The following BMPR2 variants were observed in gnomAD, a reference collection of about 807,000 sequenced individuals.
BMPR2 encodes bone morphogenetic protein receptor type-2.
A neutral mutation model predicts 100.8 loss-of-function variants in BMPR2; 29 were observed. The ratio of observed to expected loss-of-function variants is 0.29; its 90% confidence interval spans 0.21 to 0.39. The LOEUF (loss-of-function observed/expected upper bound fraction) is 0.39, where lower values mean the gene tolerates loss of function less well. Among genes scored for constraint, BMPR2 ranks in the 10% least tolerant of loss-of-function variants. The pLI is 1.00. For missense variants in BMPR2, 1,011 were observed against 1,274.5 expected (o/e 0.79, Z 3.15); for synonymous variants, 382 against 442.3 (o/e 0.86, Z 1.71).
In BMPR2 at chr2:202,560,099, C is replaced by T; in HGVS notation, c.*153C>T. On this transcript the variant is annotated 3_prime_UTR_variant, in exon 13 of 13. Transcript: ENST00000374580. ...TTGCTTTAAATAGATTTCAGCTATG[C>T]AGAAAAATTTAGCTTATGCTTCCAT... 1 of 1,011,168 alleles carries T rather than the reference C, an allele frequency of 9.9e-7. No individual in the cohort carries two copies. Among genetic ancestry groups the T allele is most frequent in the Non-Finnish European group, 1.4e-6 (1 of 708,190 alleles). The allele number at this position is 1,011,168 out of a possible 1,614,324, so 62.6% of individuals were successfully genotyped here.
chr2:202,488,980 AAG>A (rs1177744503), intron 3 of BMPR2, among the ~76,000 whole-genome samples: 1 of 151,584 alleles, frequency 6.6e-6, no homozygotes, highest in African/African-American at 2.4e-5. Flanking sequence ...GTGGAATCAT[AAG>A]GTATCTGTCT....
intron 3 of BMPR2, among the ~76,000 whole-genome samples, chr2:202,478,614 C>G (rs1176745857): frequency 6.6e-6 from 1 of 152,114 alleles, no homozygotes; most frequent in Non-Finnish European, 1.5e-5. Flanking sequence ...CAAAGCAAGA[C>G]CGCTCTAAGA....
intron 1 of BMPR2, among the ~76,000 whole-genome samples, chr2:202,457,561 TAGAG>T (rs72489501): frequency 0.097 from 9,184 of 94,404 alleles, 386 homozygotes; most frequent in South Asian, 0.14. Flanking sequence ...TATATATATA[TAGAG>T]AGAGAGAGAG....
intron 3 of BMPR2, among the ~76,000 whole-genome samples, chr2:202,469,256 G>T (rs975714259): frequency 2.0e-5 from 3 of 151,840 alleles, no homozygotes; most frequent in Non-Finnish European, 4.4e-5. Flanking sequence ...TCGAAGTCCC[G>T]ACCTCAGGTG....
intron 7 of BMPR2, among the ~76,000 whole-genome samples, chr2:202,521,290 T>C (rs952225820): frequency 5.3e-5 from 8 of 152,094 alleles, no homozygotes; most frequent in African/African-American, 1.9e-4. Flanking sequence ...AGCCCGGGCG[T>C]GATTGATGGC....
chr2:202,388,322 G>T (rs1258403176), intron 1 of BMPR2, among the ~76,000 whole-genome samples: 2 of 149,636 alleles, frequency 1.3e-5, no homozygotes, highest in Admixed American at 1.3e-4. Flanking sequence ...GCTTGAACCC[G>T]GGAGATGGAG....
intron 3 of BMPR2, among the ~76,000 whole-genome samples, chr2:202,475,455 G>A (rs1470234494): frequency 6.6e-6 from 1 of 152,098 alleles, no homozygotes; most frequent in East Asian, 1.9e-4. Flanking sequence ...GAAGGCACAG[G>A]ATAAGAGAAA....
intron 1 of BMPR2, among the ~76,000 whole-genome samples, chr2:202,380,162 C>T (rs992185179): frequency 3.0e-4 from 45 of 150,950 alleles, no homozygotes; most frequent in African/African-American, 1.0e-3. Flanking sequence ...CACCACACCC[C>T]GCCTAATTCT....
chr2:202,535,953 A>G (rs975730050), intron 9 of BMPR2, among the ~76,000 whole-genome samples: 3,602 of 148,612 alleles, frequency 0.024, 137 homozygotes, highest in African/African-American at 0.084. Context: ...GCGTGCCTGC[A>G]ATCGCAGGCA....
In BMPR2 at chr2:202,527,419, C is replaced by G. The variant is rs1031404824; in HGVS notation, c.968-3375C>G. Among the ~76,000 whole-genome samples, 4 of 151,356 alleles carry G rather than the reference C, an allele frequency of 2.6e-5. No homozygotes were observed. The South Asian group carries it at 8.3e-4, about 32-fold the overall frequency. On this transcript the variant is annotated intron_variant, in intron 7 of 12. Transcript: ENST00000374580. ...AGAAGAATCGCTTGAACCTGGGAGG[C>G]AGAGGTTGCAGTGAGCTGAGATTGC...
At chr2:202,386,607 C>T (rs965940525) in intron 1 of BMPR2, among the ~76,000 whole-genome samples, 1 of 152,128 alleles carries the variant, frequency 6.6e-6, no homozygotes, top group Non-Finnish European at 1.5e-5. Flanking sequence ...TTTTACTAGA[C>T]TCTGTTTCCT....
At chr2:202,386,042 G>A (rs2105899063) in intron 1 of BMPR2, among the ~76,000 whole-genome samples, 1 of 151,840 alleles carries the variant, frequency 6.6e-6, no homozygotes, top group South Asian at 2.1e-4. Context: ...ATTCTCTCTT[G>A]ATTTTTCTCC....
rs1001381549 is a variant in BMPR2 at position 202,532,810 on chromosome 2, T to A, written c.1276+78T>A. On this transcript the variant is annotated intron_variant, in intron 9 of 12. Coordinates refer to ENST00000374580, the MANE Select transcript of BMPR2 (RefSeq NM_001204.7). This position sits in a 1 kb window ranked among gnomAD's most constrained non-coding sequence, Gnocchi z 4.1. ...TCTTTCTCTACCTATAGTACCTAAC[T>A]CAACTTTTATGTAAGAATCTTTTTA... The A allele has an allele frequency of 6.8e-7, 1 of 1,471,158 alleles. No individual in the cohort carries two copies. Among genetic ancestry groups the A allele is most frequent in the Non-Finnish European group, 9.3e-7 (1 of 1,071,382 alleles). 91.1% of individuals were successfully genotyped at this position (1,471,158 alleles called of 1,614,324 possible).
intron 3 of BMPR2, among the ~76,000 whole-genome samples, chr2:202,510,593 G>T (rs886347934): frequency 6.6e-6 from 1 of 152,052 alleles, no homozygotes; most frequent in Non-Finnish European, 1.5e-5. Flanking sequence ...ATTTAGTTTT[G>T]TGTGTGTGTA....
intron 1 of BMPR2, among the ~76,000 whole-genome samples, chr2:202,450,179 G>C (rs1691947558): frequency 6.6e-6 from 1 of 152,116 alleles, no homozygotes; most frequent in African/African-American, 2.4e-5. Context: ...GCTGAATTCT[G>C]TGGGTCTCAG....
chr2:202,491,651 G>A (rs1023743997), intron 3 of BMPR2, among the ~76,000 whole-genome samples: 13 of 151,898 alleles, frequency 8.6e-5, no homozygotes, highest in African/African-American at 1.2e-4. Flanking sequence ...AGATCCACCC[G>A]CCTCAGCCTC....
intron 1 of BMPR2, among the ~76,000 whole-genome samples, chr2:202,400,646 A>G: frequency 6.6e-6 from 1 of 152,138 alleles, no homozygotes; most frequent in East Asian, 1.9e-4. Context: ...GGTTATATTT[A>G]ATGAGAGTTT....
intron 12 of BMPR2, 136 bp downstream of exon 12, chr2:202,556,667 C>T (rs545564984): frequency 2.6e-5 from 30 of 1,165,224 alleles, no homozygotes; most frequent in African/African-American, 7.6e-5. Flanking sequence ...CCATTTGAGG[C>T]GGGGCACAGT....
chr2:202,476,316 G>A (rs1692551852), intron 3 of BMPR2, among the ~76,000 whole-genome samples: 1 of 151,878 alleles, frequency 6.6e-6, no homozygotes, highest in Non-Finnish European at 1.5e-5. Flanking sequence ...TGTGCTCTCT[G>A]ATTACTGAGC....
Sources: allele counts gnomAD v4.1 joint callset (sites outside exome capture counted in the v4.1 genomes callset), GRCh38; gene constraint gnomAD v4.1.1; non-coding constraint Gnocchi (gnomAD v3.1); transcripts MANE v1.5; gene names NCBI Gene and HGNC (gene_info 2026-07-23, HGNC 2026-07-21).